PRKG1: variants seen among roughly 807,000 people sequenced by gnomAD.
PRKG1 encodes cGMP-dependent protein kinase 1.
Under a neutral mutation model 88.1 loss-of-function variants are expected in PRKG1, and 35 were observed. That is an observed-to-expected ratio of 0.40 (90% CI 0.30 to 0.53). The LOEUF is 0.53. Ranked by LOEUF, PRKG1 falls within the 20% of genes least tolerant of loss-of-function variation. The pLI, the probability that PRKG1 is intolerant of heterozygous loss-of-function variation, is 0.59. For missense variants in PRKG1, 540 were observed against 839.8 expected (o/e 0.64, Z 4.41); for synonymous variants, 303 against 292.5 (o/e 1.04, Z -0.37).
At chr10:51,352,382 A>C (rs1214102746) in intron 2 of PRKG1, among the ~76,000 whole-genome samples, 1 of 152,140 alleles carries the variant, frequency 6.6e-6, no homozygotes, top group Non-Finnish European at 1.5e-5. Flanking sequence ...ATCCATGAGC[A>C]TAGAATATTT....
intron 5 of PRKG1, among the ~76,000 whole-genome samples, chr10:51,959,562 C>G (rs1311433143): frequency 2.6e-5 from 4 of 152,066 alleles, no homozygotes; most frequent in Non-Finnish European, 4.4e-5. Flanking sequence ...TTCTCCTTCT[C>G]CCCAGGTACT....
At chr10:52,220,413 T>A (rs867536758) in intron 9 of PRKG1, among the ~76,000 whole-genome samples, 2 of 150,932 alleles carry the variant, frequency 1.3e-5, no homozygotes, top group East Asian at 1.9e-4. Context: ...ATGACATCTT[T>A]TATATATATA....
intron 2 of PRKG1, among the ~76,000 whole-genome samples, chr10:51,244,596 G>A (rs1839239884): frequency 6.6e-6 from 1 of 152,020 alleles, no homozygotes; most frequent in Admixed American, 6.6e-5. Context: ...TCCCTAGAGG[G>A]ATGAAACACA....
chr10:51,577,976 T>A lies in PRKG1; in HGVS notation c.592+110140T>A, dbSNP rs111611456. Among the ~76,000 whole-genome samples the A allele has an allele frequency of 2.7e-3, 406 of 152,256 alleles. 3 individuals carry two copies. The highest frequency in any genetic ancestry group is 8.9e-3 in the African/African-American group (372 of 41,586). ...GAAGTTGTTTCTGTGACTAGTAGGC[T>A]ACACTGAAATTAACAGATTTGTTGT... On this transcript the variant is annotated intron_variant, in intron 3 of 17. Transcript: ENST00000373980.
At chr10:52,292,214 C>T (rs973916473) in intron 17 of PRKG1, among the ~76,000 whole-genome samples, 1 of 150,430 alleles carries the variant, frequency 6.6e-6, no homozygotes, top group African/African-American at 2.5e-5. Flanking sequence ...TTGTAGGTTG[C>T]CTGTTCACTC....
chr10:51,925,051 C>G (rs1842543963), intron 5 of PRKG1, among the ~76,000 whole-genome samples: 1 of 150,946 alleles, frequency 6.6e-6, no homozygotes, highest in African/African-American at 2.4e-5. Flanking sequence ...GGTTTTGGTT[C>G]TAAGGCTTGT....
intron 7 of PRKG1, among the ~76,000 whole-genome samples, chr10:52,106,619 G>C (rs1055864282): frequency 1.3e-5 from 2 of 151,692 alleles, no homozygotes; most frequent in African/African-American, 4.8e-5. Context: ...TATAAATGTT[G>C]AGTTATTCCG....
At chr10:52,171,957 C>A (rs1838702745) in intron 9 of PRKG1, among the ~76,000 whole-genome samples, 1 of 150,382 alleles carries the variant, frequency 6.6e-6, no homozygotes, top group African/African-American at 2.5e-5. Flanking sequence ...CGCCCGCCAC[C>A]GCGCCCGGCT....
intron 2 of PRKG1, among the ~76,000 whole-genome samples, chr10:51,332,109 C>T (rs1305742979): frequency 2.0e-5 from 3 of 152,152 alleles, no homozygotes; most frequent in African/African-American, 7.2e-5. Context: ...CATCAAATCC[C>T]TTTAAAAAAT....
At chr10:51,265,258 G>C (rs1430308151) in intron 2 of PRKG1, among the ~76,000 whole-genome samples, 1 of 152,060 alleles carries the variant, frequency 6.6e-6, no homozygotes, top group Non-Finnish European at 1.5e-5. Flanking sequence ...TAGTAGTGAG[G>C]AGATAAATAT....
intron 9 of PRKG1, among the ~76,000 whole-genome samples, chr10:52,240,837 C>T (rs957454055): frequency 6.6e-6 from 1 of 152,120 alleles, no homozygotes; most frequent in African/African-American, 2.4e-5. Flanking sequence ...ACCCTGGATA[C>T]ATTTTCCTGT....
intron 2 of PRKG1, among the ~76,000 whole-genome samples, chr10:51,169,273 T>C (rs1018418273): frequency 1.4e-4 from 22 of 152,140 alleles, no homozygotes; most frequent in African/African-American, 4.8e-4. Context: ...AGTGTAGTAC[T>C]CTCTGTGTAT....
At chr10:51,133,445 G>A (rs1001702734) in intron 1 of PRKG1, among the ~76,000 whole-genome samples, 8 of 152,326 alleles carry the variant, frequency 5.3e-5, no homozygotes, top group Middle Eastern at 3.4e-3. Flanking sequence ...CAATCCCAGA[G>A]ATAGGTGTTG....
At chr10:51,025,115 C>T (rs1843188384) in intron 1 of PRKG1, among the ~76,000 whole-genome samples, 3 of 152,176 alleles carry the variant, frequency 2.0e-5, no homozygotes, top group Admixed American at 2.0e-4. Flanking sequence ...TAGACTTGTT[C>T]TTCCTCTTTC....
intron 9 of PRKG1, among the ~76,000 whole-genome samples, chr10:52,209,430 G>A (rs1158776388): frequency 6.6e-6 from 1 of 152,058 alleles, no homozygotes; most frequent in Non-Finnish European, 1.5e-5. Context: ...AATAGGCCCA[G>A]GCTGGATTTT....
intron 2 of PRKG1, among the ~76,000 whole-genome samples, chr10:51,355,713 T>G (rs575970799): frequency 5.0e-4 from 76 of 151,938 alleles, no homozygotes; most frequent in African/African-American, 1.7e-3. Context: ...AAAAATAAAG[T>G]GGGGTCATGA....
chr10:51,299,983 T>C (rs577112388), intron 2 of PRKG1, among the ~76,000 whole-genome samples: 2 of 152,290 alleles, frequency 1.3e-5, no homozygotes, highest in South Asian at 4.1e-4. Context: ...CACCTACACC[T>C]ACCATCTGGA....
intron 2 of PRKG1, among the ~76,000 whole-genome samples, chr10:51,274,381 C>T (rs957628620): frequency 2.0e-5 from 3 of 152,016 alleles, no homozygotes; most frequent in Admixed American, 6.6e-5. Context: ...ATTTGGATTC[C>T]GCTGAAGTTT....
At chr10:51,891,721 A>G (rs1439856495) in intron 4 of PRKG1, among the ~76,000 whole-genome samples, 1 of 152,214 alleles carries the variant, frequency 6.6e-6, no homozygotes. Context: ...TCGCAACGCA[A>G]CTACTCACCT....
Sources: gnomAD v4.1 joint callset for allele counts (sites outside exome capture counted in the v4.1 genomes callset) on GRCh38, gnomAD v4.1.1 for gene constraint, MANE v1.5 for transcripts, NCBI Gene and HGNC (gene_info 2026-07-23, HGNC 2026-07-21) for gene names.